The following PCDHGA5 variants were observed in gnomAD, a reference collection of about 807,000 sequenced individuals.
PCDHGA5 encodes protocadherin gamma-A5.
A neutral mutation model predicts 56.7 loss-of-function variants in PCDHGA5; 36 were observed. That is an observed-to-expected ratio of 0.64 (90% CI 0.49 to 0.84). The LOEUF (loss-of-function observed/expected upper bound fraction) is 0.84. Among genes scored for constraint, PCDHGA5 ranks in the 40% least tolerant of loss-of-function variants. The pLI, the probability that PCDHGA5 is intolerant of heterozygous loss-of-function variation, is 0.00. For missense variants in PCDHGA5, 1,305 were observed against 1,201.5 expected (o/e 1.09, Z -1.27); for synonymous variants, 563 against 520.2 (o/e 1.08, Z -1.12).
intron 1 of PCDHGA5, among the ~76,000 whole-genome samples, chr5:141,474,464 T>C (rs373468290): frequency 6.6e-6 from 1 of 152,252 alleles, no homozygotes; most frequent in African/African-American, 2.4e-5. Context: ...CTATACTCTT[T>C]ATTCTAAATT....
intron 1 of PCDHGA5, chr5:141,421,546 A>C: frequency 6.2e-7 from 1 of 1,614,014 alleles, no homozygotes; most frequent in Non-Finnish European, 8.5e-7. Context: ...TTTTTTAAAT[A>C]TGGAACTTCT....
In PCDHGA5 at chr5:141,421,903, G is replaced by T. The variant is rs757656265; in HGVS notation, c.2421+55152G>T. 2.5e-6 allele frequency: 4 copies of T among 1,613,704 alleles called. No homozygotes were observed. In the East Asian group the frequency reaches 6.7e-5, roughly 27 times the overall value. ...TGGAGGCGATCCCATCCGAAAGGGCGCAGTTCCCATTCGTGTGGTGGTCCT... is the reference window on the plus strand; with the variant it reads ...TGGAGGCGATCCCATCCGAAAGGGCTCAGTTCCCATTCGTGTGGTGGTCCT... On this transcript the variant is annotated intron_variant, in intron 1 of 3. Transcript: ENST00000518069.
chr5:141,371,262 C>T (rs368232567), intron 1 of PCDHGA5: 3 of 1,613,880 alleles, frequency 1.9e-6, no homozygotes, highest in Non-Finnish European at 2.5e-6. Flanking sequence ...GGAAGTGAGA[C>T]AACTGTTCAA....
At chr5:141,463,075 A>G (rs943294678) in intron 1 of PCDHGA5, among the ~76,000 whole-genome samples, 3 of 152,180 alleles carry the variant, frequency 2.0e-5, no homozygotes, top group East Asian at 1.9e-4. Context: ...ATGAAATTCA[A>G]ACATTTTCCA....
chr5:141,390,404 G>T, intron 1 of PCDHGA5: 1 of 1,262,098 alleles, frequency 7.9e-7, no homozygotes. Flanking sequence ...TTTTAGGAAA[G>T]TTGTAGTCAG....
Position 141,489,806 on chromosome 5 carries a change from A to G in PCDHGA5, c.2422-5001A>G. 1 of 1,614,198 alleles carries G rather than the reference A, an allele frequency of 6.2e-7. No homozygotes were observed. Among genetic ancestry groups the G allele is most frequent in the South Asian group, 1.1e-5 (1 of 91,082 alleles). Reference sequence around the variant, plus strand: ...AATGTGAAGACCCTAAAAGATGGGAAGCCATTCCCAGAGCTGGTGCTAGAG... The same window carrying G: ...AATGTGAAGACCCTAAAAGATGGGAGGCCATTCCCAGAGCTGGTGCTAGAG... On this transcript the variant is annotated intron_variant, in intron 1 of 3. Coordinates refer to ENST00000518069, the MANE Select transcript of PCDHGA5 (RefSeq NM_018918.3). The surrounding 1 kb of genome is among the most constrained non-coding windows in gnomAD (Gnocchi z 4.5).
At chr5:141,415,476 G>A (rs765634887) in intron 1 of PCDHGA5, 1 of 1,614,076 alleles carries the variant, frequency 6.2e-7, no homozygotes. Context: ...CCGCGGACTC[G>A]CGAAAGAGTC....
At chr5:141,394,189 C>T (rs543330174) in intron 1 of PCDHGA5, 1 of 1,613,892 alleles carries the variant, frequency 6.2e-7, no homozygotes, top group Admixed American at 1.7e-5. Flanking sequence ...TCCTACTCAG[C>T]GTATATCCTA....
chr5:141,476,023 G>T lies in PCDHGA5; in HGVS notation c.2422-18784G>T. On this transcript the variant is annotated intron_variant, in intron 1 of 3. Coordinates refer to ENST00000518069, the MANE Select transcript of PCDHGA5 (RefSeq NM_018918.3). The surrounding 1 kb of genome is among the most constrained non-coding windows in gnomAD (Gnocchi z 7.6). Reference sequence around the variant, plus strand: ...CATCCAGAAAGCCATGTCGGACTCGGCGCCCAGCGCCCAAGCGCTAACCCG... The same window carrying T: ...CATCCAGAAAGCCATGTCGGACTCGTCGCCCAGCGCCCAAGCGCTAACCCG... The T allele has an allele frequency of 7.1e-7, 1 of 1,415,690 alleles. No individual in the cohort carries two copies. Among genetic ancestry groups the T allele is most frequent in the Non-Finnish European group, 9.5e-7 (1 of 1,057,324 alleles). 87.7% of individuals were successfully genotyped at this position (1,415,690 alleles called of 1,614,324 possible).
chr5:141,419,589 C>T (rs1187251820), intron 1 of PCDHGA5: 1 of 1,611,856 alleles, frequency 6.2e-7, no homozygotes, highest in Non-Finnish European at 8.5e-7. Flanking sequence ...CTCTTCGACA[C>T]AGTGCCGCGG....
intron 1 of PCDHGA5, chr5:141,430,868 G>A (rs1414256124): frequency 6.3e-7 from 1 of 1,597,104 alleles, no homozygotes; most frequent in Admixed American, 1.8e-5. Context: ...TTCAGTTCCG[G>A]AAGAGCTGGA....
In PCDHGA5 at chr5:141,365,793, C is replaced by G. The variant is rs780558730; in HGVS notation, c.1463C>G (p.Thr488Ser). 2 of 1,613,948 alleles carry G rather than the reference C, an allele frequency of 1.2e-6. No individual in the cohort carries two copies. The highest frequency in any genetic ancestry group is 2.2e-5 in the South Asian group (2 of 91,078). ...DPDSGDNARV[T>S]YSLAEDTFQG... Reference sequence around the variant, plus strand: ...GACAGCGGCGACAACGCTCGAGTCACCTACTCCCTGGCTGAAGACACATTT... The same window carrying G: ...GACAGCGGCGACAACGCTCGAGTCAGCTACTCCCTGGCTGAAGACACATTT... The change falls in exon 1 of 4, where the codon ACC (threonine) becomes AGC (serine). Residue 488 changes from threonine to serine, a missense_variant. Transcript: ENST00000518069.
At chr5:141,413,352 G>T in intron 1 of PCDHGA5, 11 of 1,613,976 alleles carry the variant, frequency 6.8e-6, no homozygotes, top group Non-Finnish European at 9.3e-6. Flanking sequence ...TGGGTCTGGC[G>T]CCCCGGGAGC....
rs532502013 is a variant in PCDHGA5 at position 141,404,723 on chromosome 5, G to A, written c.2421+37972G>A. 3.1e-6 allele frequency: 5 copies of A among 1,614,094 alleles called. No individual in the cohort carries two copies. Among genetic ancestry groups the A allele is most frequent in the Middle Eastern group, 1.6e-4 (1 of 6,062 alleles). On this transcript the variant is annotated intron_variant, in intron 1 of 3. Coordinates refer to ENST00000518069, the MANE Select transcript of PCDHGA5 (RefSeq NM_018918.3). ...AGAGCCTGGCTACCTGGTGACCAAG[G>A]TGGTGGCAGTGGACAGAGACTCAGG...
intron 2 of PCDHGA5, among the ~76,000 whole-genome samples, chr5:141,503,598 C>CAA (rs765754054): frequency 1.5e-4 from 10 of 65,698 alleles, no homozygotes; most frequent in African/African-American, 2.3e-4. Context: ...GACTCCAGCT[C>CAA]AAAAAAAAAA....
rs751024373 is a variant in PCDHGA5, at chr5:141,491,801, G to T, written c.2422-3006G>T. 1 of 1,500,844 alleles carries T rather than the reference G, an allele frequency of 6.7e-7. No homozygotes were observed. Among genetic ancestry groups the T allele is most frequent in the Non-Finnish European group, 8.9e-7 (1 of 1,125,292 alleles). 93.0% of individuals were successfully genotyped at this position (1,500,844 alleles called of 1,614,324 possible). ...AACTTGCATCCACTCCTCTCCGGCCGGCTTGGTCGCTGGCTGCGCTCCACC... is the reference window on the plus strand; with the variant it reads ...AACTTGCATCCACTCCTCTCCGGCCTGCTTGGTCGCTGGCTGCGCTCCACC... On this transcript the variant is annotated intron_variant, in intron 1 of 3. Transcript: ENST00000518069. This position sits in a 1 kb window ranked among gnomAD's most constrained non-coding sequence, Gnocchi z 6.9.
chr5:141,428,190 T>C (rs1348507135), intron 1 of PCDHGA5: 2 of 1,429,918 alleles, frequency 1.4e-6, no homozygotes, highest in Non-Finnish European at 1.9e-6. Flanking sequence ...CAGCCGCCGC[T>C]CTCTGCGCCG....
At chr5:141,427,659 G>A (rs546743297) in intron 1 of PCDHGA5, 3 of 742,336 alleles carry the variant, frequency 4.0e-6, no homozygotes, top group East Asian at 5.3e-5. Context: ...CGTGGTCCAC[G>A]TGGCCGAAAA....
rs1554136305 is a variant in PCDHGA5, at chr5:141,450,006, CT to C, written c.2422-44783del. Reference sequence around the variant, plus strand: ...CACATTGCATTTAGTTGCCATGTCTCTTTTTTTTTTTTTTTTTTGAGACAGG... The same window carrying C: ...CACATTGCATTTAGTTGCCATGTCTCTTTTTTTTTTTTTTTTTGAGACAGG... On this transcript the variant is annotated intron_variant, in intron 1 of 3. Coordinates refer to ENST00000518069, the MANE Select transcript of PCDHGA5 (RefSeq NM_018918.3). Among the ~76,000 whole-genome samples, 140 of 132,944 alleles carry C rather than the reference CT, an allele frequency of 1.1e-3. 2 individuals are homozygous for C. In the Middle Eastern group the frequency reaches 0.016, roughly 15 times the overall value. 87.2% of individuals were successfully genotyped at this position (132,944 alleles called of 152,430 possible). A position where few individuals can be genotyped will look rare whatever the true frequency, so the allele number is the denominator to read the frequency against.
Sources: allele counts gnomAD v4.1 joint callset (sites outside exome capture counted in the v4.1 genomes callset), GRCh38; gene constraint gnomAD v4.1.1; non-coding constraint Gnocchi (gnomAD v3.1); transcripts MANE v1.5; gene names NCBI Gene and HGNC (gene_info 2026-07-23, HGNC 2026-07-21).